Variants in KCNIP4 observed in about 807,000 individuals in gnomAD.
The protein encoded by KCNIP4 is Kv channel-interacting protein 4.
A neutral mutation model predicts 34.0 loss-of-function variants in KCNIP4; 12 were observed. The ratio of observed to expected loss-of-function variants is 0.35; its 90% CI spans 0.23 to 0.57. KCNIP4 has a LOEUF of 0.57. KCNIP4 is among the 20% of genes least tolerant of loss of function. The pLI is 0.83. For missense variants in KCNIP4, 238 were observed against 311.7 expected (o/e 0.76, Z 1.78); for synonymous variants, 124 against 102.2 (o/e 1.21, Z -1.29).
chr4:21,298,816 G>C (rs1202621671), intron 1 of KCNIP4, among the ~76,000 whole-genome samples: 1 of 152,140 alleles, frequency 6.6e-6, no homozygotes, highest in Non-Finnish European at 1.5e-5. Flanking sequence ...AAGTGATTGA[G>C]AGTATTTCAT....
intron 1 of KCNIP4, among the ~76,000 whole-genome samples, chr4:21,324,410 T>C (rs1329564182): frequency 2.0e-5 from 3 of 151,978 alleles, no homozygotes; most frequent in Non-Finnish European, 4.4e-5. Flanking sequence ...AATCCATTTT[T>C]ATTTGATTGT....
intron 1 of KCNIP4, among the ~76,000 whole-genome samples, chr4:21,916,456 A>G (rs920236023): frequency 7.2e-5 from 11 of 152,204 alleles, no homozygotes; most frequent in African/African-American, 2.4e-4. Flanking sequence ...GCCTGTACCT[A>G]CAAAATTTAG....
chr4:20,850,666 G>A lies in KCNIP4; in HGVS notation c.165C>T (p.Asn55=). The A allele has an allele frequency of 3.1e-6, 5 of 1,611,404 alleles. No homozygotes were observed. The highest frequency in any genetic ancestry group is 4.2e-6 in the Non-Finnish European group (5 of 1,179,246). Residue 55 remains asparagine (N), a splice_region_variant and synonymous_variant, in exon 3 of 9, where the codon AAC becomes AAT. Coordinates refer to ENST00000382152, the MANE Select transcript of KCNIP4 (RefSeq NM_025221.6). ...AAKTSSPAIQ[N]SVEDELEMAT... ...CCATCTCCAGTTCATCTTCCACGCT[G>A]TCTGTGGAGGAAAACAAGAAAGAGT... is the stretch of plus-strand genomic sequence containing the variant.
At chr4:21,700,448 C>T (rs1422105131) in intron 1 of KCNIP4, among the ~76,000 whole-genome samples, 2 of 152,078 alleles carry the variant, frequency 1.3e-5, no homozygotes, top group Non-Finnish European at 2.9e-5. Context: ...TGTTTTCTTG[C>T]TATTGAGCTA....
intron 8 of KCNIP4, chr4:20,731,664 A>G: frequency 1.0e-6 from 1 of 985,100 alleles, no homozygotes; most frequent in Non-Finnish European, 1.2e-6. Context: ...TATGATAGAT[A>G]ATATATGAGT....
chr4:21,766,606 A>C (rs1718434463), intron 1 of KCNIP4, among the ~76,000 whole-genome samples: 1 of 152,310 alleles, frequency 6.6e-6, no homozygotes. Flanking sequence ...TAGTTTAAAA[A>C]GTTCTTATGA....
intron 3 of KCNIP4, among the ~76,000 whole-genome samples, chr4:20,768,874 A>G (rs1314085686): frequency 6.6e-6 from 1 of 152,186 alleles, no homozygotes; most frequent in Non-Finnish European, 1.5e-5. Context: ...TGACCTAGAT[A>G]CTATCCTTGG....
chr4:21,265,340 T>C (rs1761731611), intron 1 of KCNIP4, among the ~76,000 whole-genome samples: 1 of 152,076 alleles, frequency 6.6e-6, no homozygotes, highest in Non-Finnish European at 1.5e-5. Context: ...ATTAGGACAT[T>C]AAGGGCCTTG....
At chr4:20,917,606 ATTT>A (rs1035423613) in intron 1 of KCNIP4, among the ~76,000 whole-genome samples, 2 of 152,062 alleles carry the variant, frequency 1.3e-5, no homozygotes, top group African/African-American at 4.8e-5. Context: ...TTGAGAAAAA[ATTT>A]TTTTTAAAAT....
intron 1 of KCNIP4, among the ~76,000 whole-genome samples, chr4:21,794,147 T>C (rs1205851345): frequency 6.6e-6 from 1 of 152,066 alleles, no homozygotes; most frequent in East Asian, 1.9e-4. Flanking sequence ...GGGAGAGGGA[T>C]AGCATTAGGA....
At chr4:20,782,505 T>G (rs1756960510) in intron 3 of KCNIP4, among the ~76,000 whole-genome samples, 1 of 152,132 alleles carries the variant, frequency 6.6e-6, no homozygotes, top group Admixed American at 6.5e-5. Context: ...ATTCTTGTCT[T>G]CTGTGCAGGC....
chr4:21,227,541 T>G (rs753207241), intron 1 of KCNIP4, among the ~76,000 whole-genome samples: 2 of 152,184 alleles, frequency 1.3e-5, no homozygotes, highest in Non-Finnish European at 2.9e-5. Context: ...GGCTCTTCTC[T>G]CTTTTGTGGC....
At chr4:21,343,512 A>G (rs1311597057) in intron 1 of KCNIP4, among the ~76,000 whole-genome samples, 1 of 152,094 alleles carries the variant, frequency 6.6e-6, no homozygotes, top group Non-Finnish European at 1.5e-5. Flanking sequence ...AATAGCTTCT[A>G]TCATGTTGAG....
chr4:20,823,578 C>G (rs1717370572), intron 3 of KCNIP4, among the ~76,000 whole-genome samples: 1 of 152,144 alleles, frequency 6.6e-6, no homozygotes, highest in African/African-American at 2.4e-5. Context: ...CTTGCTTTCT[C>G]TCTCTGCTCT....
chr4:20,818,592 A>G (rs1334832523), intron 3 of KCNIP4, among the ~76,000 whole-genome samples: 4 of 152,320 alleles, frequency 2.6e-5, no homozygotes, highest in Admixed American at 2.0e-4. Context: ...TGCTAAGGGC[A>G]AGAGTCTGGG....
At chr4:21,177,148 A>G (rs1176952456) in intron 1 of KCNIP4, among the ~76,000 whole-genome samples, 4 of 152,164 alleles carry the variant, frequency 2.6e-5, no homozygotes, top group African/African-American at 9.6e-5. Flanking sequence ...TACTATATAT[A>G]GGATTCAAAT....
chr4:21,435,550 A>T (rs889940566), intron 1 of KCNIP4, among the ~76,000 whole-genome samples: 2 of 152,218 alleles, frequency 1.3e-5, no homozygotes, highest in African/African-American at 2.4e-5. Flanking sequence ...AACAGCAAAG[A>T]GAATAGAAAA....
At chr4:20,881,493 T>C (rs970199141) in intron 2 of KCNIP4, among the ~76,000 whole-genome samples, 4 of 152,068 alleles carry the variant, frequency 2.6e-5, no homozygotes, top group African/African-American at 9.7e-5. Flanking sequence ...TCTGTCTGAT[T>C]CTAAGAGTTG....
intron 1 of KCNIP4, among the ~76,000 whole-genome samples, chr4:21,556,919 T>TCAAAAAAAAAAAAAAAAA (rs1161300110): frequency 1.4e-4 from 3 of 21,970 alleles, no homozygotes; most frequent in African/African-American, 2.5e-4. Flanking sequence ...AGACTCCATC[T>TCAAAAAAAAAAAAAAAAA]CAGAAAAAAA....
Sources: allele counts gnomAD v4.1 joint callset (sites outside exome capture counted in the v4.1 genomes callset), GRCh38; gene constraint gnomAD v4.1.1; transcripts MANE v1.5; gene names NCBI Gene and HGNC (gene_info 2026-07-23, HGNC 2026-07-21).